The following NOMO3 variants were observed in gnomAD, a reference collection of about 807,000 sequenced individuals.
The protein encoded by NOMO3 is NODAL modulator 3, also known as BOS complex subunit NOMO3.
In NOMO3, 15 loss-of-function variants were observed where a neutral mutation model predicts 69.9. The ratio of observed to expected loss-of-function variants is 0.21; its 90% CI spans 0.14 to 0.33. The LOEUF (loss-of-function observed/expected upper bound fraction) is 0.33, where lower values mean the gene tolerates loss of function less well. NOMO3 is among the 10% of genes least tolerant of loss of function. The pLI, the probability that NOMO3 is intolerant of heterozygous loss-of-function variation, is 1.00. For synonymous variants in NOMO3, 89 were observed against 301.9 expected (o/e 0.29, Z 7.31); for missense variants, 218 against 761.0 (o/e 0.29, Z 8.39).
intron 13 of NOMO3, 105 bp from the exon 14 acceptor site, chr16:16,263,408 T>C: frequency 6.7e-7 from 1 of 1,494,998 alleles, no homozygotes; most frequent in South Asian, 1.2e-5. Context: ...CACTGCCTCT[T>C]AGGAGCTCAG....
intron 1 of NOMO3, among the ~76,000 whole-genome samples, chr16:16,233,281 TC>T (rs2049297242): frequency 9.6e-6 from 1 of 103,818 alleles, no homozygotes; most frequent in Non-Finnish European, 1.9e-5. Context: ...CCCCCGAAGT[TC>T]TAATCCACTG....
chr16:16,262,799 G>GTGTCC (rs1285495548), intron 12 of NOMO3, among the ~76,000 whole-genome samples: 2 of 140,694 alleles, frequency 1.4e-5, no homozygotes, highest in Non-Finnish European at 3.0e-5. Context: ...TAAGTGAGGC[G>GTGTCC]TGTCCGCGTT....
At position 16,261,150 on chromosome 16, in the gene NOMO3, T is replaced by C. The variant is rs866470680; in HGVS notation, c.1221-352T>C. ...CCACATTCTCAGTCCAAGGCCGCTC[T>C]GCTGTCAACGATCCAATTACCTGAA... On this transcript the variant is annotated intron_variant, in intron 11 of 30. Transcript: ENST00000399336. 4.7e-4 allele frequency: 151 copies of C among 320,964 alleles called. 3 individuals carry two copies. The highest frequency in any genetic ancestry group is 2.8e-3 in the African/African-American group (108 of 38,300). 19.9% of individuals were successfully genotyped at this position (320,964 alleles called of 1,614,324 possible). A position where few individuals can be genotyped will look rare whatever the true frequency, so the allele number is the denominator to read the frequency against.
intron 4 of NOMO3, among the ~76,000 whole-genome samples, chr16:16,244,161 G>T (rs1287633433): frequency 1.4e-5 from 2 of 141,920 alleles, no homozygotes; most frequent in Admixed American, 1.4e-4. Context: ...TTCTCTTCAT[G>T]ATGGACTTCT....
rs562860567 is a variant in NOMO3 at position 16,235,188 on chromosome 16, C to G, written c.166-1713C>G. Among the ~76,000 whole-genome samples, 10 of 151,152 alleles carry G rather than the reference C, an allele frequency of 6.6e-5. No individual in the cohort carries two copies. In the East Asian group the frequency reaches 1.9e-3, roughly 29 times the overall value. On this transcript the variant is annotated intron_variant, in intron 1 of 30. Transcript: ENST00000399336. Reference sequence around the variant, plus strand: ...ACCTTATTTCACACGAGTCCTTTCCCAAATGTTCAAATGTTCGTTTTATGA... The same window carrying G: ...ACCTTATTTCACACGAGTCCTTTCCGAAATGTTCAAATGTTCGTTTTATGA...
chr16:16,241,210 T>G (rs2049371504), intron 3 of NOMO3, among the ~76,000 whole-genome samples: 1 of 144,602 alleles, frequency 6.9e-6, no homozygotes, highest in African/African-American at 2.7e-5. Flanking sequence ...CACCCTGACC[T>G]TCTACAAATT....
chr16:16,245,520 C>T (rs1169144045), intron 5 of NOMO3, among the ~76,000 whole-genome samples: 3 of 142,490 alleles, frequency 2.1e-5, no homozygotes, highest in Non-Finnish European at 4.5e-5. Flanking sequence ...GAGACTCAGT[C>T]TCCACAAATA....
intron 9 of NOMO3, among the ~76,000 whole-genome samples, chr16:16,252,956 G>C (rs1246182108): frequency 7.4e-6 from 1 of 135,146 alleles, no homozygotes. Flanking sequence ...ACCTCAGCCT[G>C]TTGAGTAGCT....
rs1015229014 is a variant in NOMO3 at position 16,237,550 on chromosome 16, T to G, written c.255+560T>G. On this transcript the variant is annotated intron_variant, in intron 2 of 30. Coordinates refer to ENST00000399336, the MANE Select transcript of NOMO3 (RefSeq NM_001004067.4). ...TCTGATAAAGGTTTTTTTTGTTGTT[T>G]TTTTTTTTCTTCTTTTGAGTTGGAG... Among the ~76,000 whole-genome samples the G allele has an allele frequency of 9.2e-4, 132 of 143,156 alleles. 15 individuals carry two copies. Among genetic ancestry groups the G allele is most frequent in the Admixed American group, 2.2e-3 (32 of 14,758 alleles). The allele number at this position is 143,156 out of a possible 152,430, so 93.9% of individuals were successfully genotyped here. A position where few individuals can be genotyped will look rare whatever the true frequency, so the allele number is the denominator to read the frequency against.
At chr16:16,250,310 T>C (rs1238539657) in intron 6 of NOMO3, among the ~76,000 whole-genome samples, 2 of 134,746 alleles carry the variant, frequency 1.5e-5, no homozygotes, top group Admixed American at 7.4e-5. Context: ...CTATATATCA[T>C]TAAAAATAGA....
chr16:16,251,910 TC>T, intron 7 of NOMO3, 52 bp from the exon 8 acceptor site: 2 of 845,080 alleles, frequency 2.4e-6, no homozygotes, highest in Non-Finnish European at 3.5e-6. Flanking sequence ...TTGATGGTAT[TC>T]AGAACATGTA....
rs1476408394 is a variant in NOMO3 at position 16,241,231 on chromosome 16, T to C, written c.301+1335T>C. 4.2e-5 allele frequency among the ~76,000 whole-genome samples: 6 copies of C among 143,700 alleles called. No individual in the cohort carries two copies. The South Asian group carries it at 9.0e-4, about 21-fold the overall frequency. 94.3% of individuals were successfully genotyped at this position (143,700 alleles called of 152,430 possible). On this transcript the variant is annotated intron_variant, in intron 3 of 30. Coordinates refer to ENST00000399336, the MANE Select transcript of NOMO3 (RefSeq NM_001004067.4). ...GACCTTCTACAAATTAGAGATCCAT[T>C]TGGTCTGTTTTGAACTTTATACAAA...
At chr16:16,236,251 A>T (rs113837714) in intron 1 of NOMO3, among the ~76,000 whole-genome samples, 1 of 145,012 alleles carries the variant, frequency 6.9e-6, no homozygotes, top group Non-Finnish European at 1.5e-5. Context: ...ACTTTATTTT[A>T]TTATTATTTT....
Position 16,263,443 on chromosome 16 carries a change from G to T in NOMO3, c.1538-70G>T, listed in dbSNP as rs1348876661. On this transcript the variant is annotated intron_variant, in intron 13 of 30. Coordinates refer to ENST00000399336, the MANE Select transcript of NOMO3 (RefSeq NM_001004067.4). ...GCAGTAGCAAGAAGCTATTACATAG[G>T]GTTAGGATTCGAACCTGTGCTGAAG... The T allele has an allele frequency of 2.5e-5, 16 of 638,216 alleles. 1 individual carries two copies. The highest frequency in any genetic ancestry group is 1.8e-4 in the Admixed American group (6 of 33,358). The allele number at this position is 638,216 out of a possible 1,614,324, so 39.5% of individuals were successfully genotyped here.
rs1040621193 is a variant in NOMO3, at chr16:16,237,924, A to C, written c.255+934A>C. On this transcript the variant is annotated intron_variant, in intron 2 of 30. Coordinates refer to ENST00000399336, the MANE Select transcript of NOMO3 (RefSeq NM_001004067.4). ...GTTATTCAGATATCCACGGGTACAC[A>C]TGCATATGTATATATGGAAATACAC... 3.5e-5 allele frequency among the ~76,000 whole-genome samples: 5 copies of C among 144,744 alleles called. 2 individuals carry two copies. Among genetic ancestry groups the C allele is most frequent in the African/African-American group, 1.4e-4 (5 of 36,156 alleles). 95.0% of individuals were successfully genotyped at this position (144,744 alleles called of 152,430 possible). A position where few individuals can be genotyped will look rare whatever the true frequency, so the allele number is the denominator to read the frequency against.
intron 1 of NOMO3, among the ~76,000 whole-genome samples, chr16:16,234,885 G>C (rs1405575206): frequency 5.9e-5 from 9 of 151,836 alleles, no homozygotes; most frequent in Non-Finnish European, 1.3e-4. Flanking sequence ...ATTAAAAACT[G>C]GGTGCTTTAT....
In NOMO3 at chr16:16,243,832, C is replaced by T. The variant is rs540675289; in HGVS notation, c.402+571C>T. Among the ~76,000 whole-genome samples the T allele has an allele frequency of 4.1e-3, 577 of 142,102 alleles. 121 individuals carry two copies. The highest frequency in any genetic ancestry group is 0.016 in the African/African-American group (552 of 34,542). The allele number at this position is 142,102 out of a possible 152,430, so 93.2% of individuals were successfully genotyped here. A position where few individuals can be genotyped will look rare whatever the true frequency, so the allele number is the denominator to read the frequency against. On this transcript the variant is annotated intron_variant, in intron 4 of 30. Transcript: ENST00000399336. ...ACGCTGTGCACCCAGCCGCTGTTAG[C>T]GTTTATGTCAGGGATGGCCTTTTAC...
intron 16 of NOMO3, chr16:16,267,428 A>ATT: frequency 2.7e-5 from 10 of 370,346 alleles, no homozygotes; most frequent in East Asian, 1.4e-4. Context: ...GCTCTTTCTC[A>ATT]TTTTTTTTTT....
chr16:16,244,476 G>A (rs1298784056), intron 4 of NOMO3, among the ~76,000 whole-genome samples: 1 of 94,676 alleles, frequency 1.1e-5, no homozygotes, highest in African/African-American at 5.3e-5. Flanking sequence ...ACCTGACCCA[G>A]CTAATTTTTA....
Sources: allele counts gnomAD v4.1 joint callset (sites outside exome capture counted in the v4.1 genomes callset), GRCh38; gene constraint gnomAD v4.1.1; transcripts MANE v1.5; gene names NCBI Gene and HGNC (gene_info 2026-07-23, HGNC 2026-07-21).